Variants in ASB2 observed in about 807,000 individuals in gnomAD.
ASB2 encodes the protein ankyrin repeat and SOCS box protein 2.
Under a neutral mutation model 62.4 loss-of-function variants are expected in ASB2, and 58 were observed. That is an observed-to-expected ratio of 0.93 (90% CI 0.75 to 1.16). ASB2 has a LOEUF of 1.16. Ranked by LOEUF, ASB2 falls within the 50% of genes most tolerant of loss-of-function variation. ASB2 has a pLI of 0.00. For synonymous variants in ASB2, 386 were observed against 385.3 expected (o/e 1.00, Z -0.02); for missense variants, 928 against 887.9 (o/e 1.05, Z -0.57).
At chr14:93,938,278 T>C (rs1405210376) in intron 8 of ASB2, among the ~76,000 whole-genome samples, 1 of 135,620 alleles carries the variant, frequency 7.4e-6, no homozygotes, top group Non-Finnish European at 1.5e-5. Context: ...TCTCGCTCTG[T>C]GCCCAGGCTG....
chr14:93,954,678 T>G (rs889680370), intron 3 of ASB2, among the ~76,000 whole-genome samples, 195 bp from the exon 4 acceptor site: 1 of 152,354 alleles, frequency 6.6e-6, no homozygotes, highest in East Asian at 1.9e-4. Context: ...TTTCCATGGC[T>G]GCCGGGAATG....
In ASB2 at chr14:93,935,948, AG is replaced by A. The variant is rs1888258669; in HGVS notation, c.1772-1157del. Among the ~76,000 whole-genome samples the A allele has an allele frequency of 3.9e-5, 6 of 152,392 alleles. No individual in the cohort carries two copies. In the South Asian group the frequency reaches 1.2e-3, roughly 32 times the overall value. On this transcript the variant is annotated intron_variant, in intron 9 of 9. Transcript: ENST00000555019. ...AAAATAATGTGGTTACCTTGTACAC[AG>A]AAGGTCTTGAATATATATTCATTTA... is the stretch of plus-strand genomic sequence containing the variant.
At position 93,947,513 on chromosome 14, in the gene ASB2, G is replaced by A. The variant is rs1366933382; in HGVS notation, c.888C>T (p.Asp296=). The A allele has an allele frequency of 6.2e-7, 1 of 1,613,832 alleles. No homozygotes were observed. ...CGTTGTCGCTGGCCTGCGTGTTGAT[G>A]TCAGCACCTGGGGAAGGAGAAGAGA... The part of the protein sequence containing the change: ...ALRFLAKYGA[D]INTQASDNAS... Residue 296 remains aspartate (D), a synonymous_variant, in exon 7 of 10, where the codon GAC becomes GAT. Coordinates refer to ENST00000555019, the MANE Select transcript of ASB2 (RefSeq NM_001202429.2).
chr14:93,954,368 G>A lies in ASB2; in HGVS notation c.427C>T (p.His143Tyr). 6.2e-7 allele frequency: 1 copy of A among 1,613,924 alleles called. No individual in the cohort carries two copies. Among genetic ancestry groups the A allele is most frequent in the Non-Finnish European group, 8.5e-7 (1 of 1,179,878 alleles). The change falls in exon 4 of 10, where the codon CAC (histidine) becomes TAC (tyrosine). Residue 143 changes from histidine (H) to tyrosine (Y), a missense_variant. Coordinates refer to ENST00000555019, the MANE Select transcript of ASB2 (RefSeq NM_001202429.2). Reference sequence around the variant, plus strand: ...ACCTGGCCATAGTATGCGGCCTCGTGCAGCGGCAGCCAGCCCTCCTTGTTG... The same window carrying A: ...ACCTGGCCATAGTATGCGGCCTCGTACAGCGGCAGCCAGCCCTCCTTGTTG... ...EPNKEGWLPLHEAAYYGQVGC... is the reference protein window; with the variant it reads ...EPNKEGWLPLYEAAYYGQVGC...
chr14:93,937,970 C>T, intron 8 of ASB2, 119 bp from the exon 9 acceptor site: 7 of 1,079,342 alleles, frequency 6.5e-6, no homozygotes, highest in Non-Finnish European at 9.1e-6. Flanking sequence ...GCTAGGATCC[C>T]CTGAACCATG....
intron 3 of ASB2, among the ~76,000 whole-genome samples, chr14:93,956,140 A>G (rs28413802): frequency 1.8e-3 from 280 of 152,280 alleles, no homozygotes; most frequent in African/African-American, 6.1e-3. Context: ...CGGGGTCACT[A>G]TTCCAGGGGT....
At chr14:93,972,721 G>C (rs954839848) in intron 1 of ASB2, among the ~76,000 whole-genome samples, 2 of 152,180 alleles carry the variant, frequency 1.3e-5, no homozygotes, top group Non-Finnish European at 2.9e-5. Context: ...TGGTAAGGAA[G>C]GGGGGATGGA....
At chr14:93,956,475 C>A (rs997972807) in intron 3 of ASB2, among the ~76,000 whole-genome samples, 2 of 152,162 alleles carry the variant, frequency 1.3e-5, no homozygotes, top group African/African-American at 2.4e-5. Flanking sequence ...AGTTTCAGAG[C>A]CCCATGGGGC....
chr14:93,946,030 A>C (rs1888709753), intron 7 of ASB2, among the ~76,000 whole-genome samples: 1 of 152,262 alleles, frequency 6.6e-6, no homozygotes, highest in African/African-American at 2.4e-5. Flanking sequence ...TCTTCAAAAT[A>C]AATTCATTGT....
intron 1 of ASB2, among the ~76,000 whole-genome samples, chr14:93,974,548 C>T (rs2141326704): frequency 6.6e-6 from 1 of 152,280 alleles, no homozygotes; most frequent in Middle Eastern, 3.4e-3. Flanking sequence ...CCTTATGATG[C>T]CTTGAGTGTG....
rs972426411 is a variant in ASB2 at position 93,965,480 on chromosome 14, A to G, written c.-73-868T>C. The stretch of plus-strand genomic sequence containing the variant: ...AAATCAGTCATTAAAATAACGTCCC[A>G]TGTTAATTCCAGTGACTCTTTTCTT... On this transcript the variant is annotated intron_variant, in intron 1 of 9. Transcript: ENST00000555019. Among the ~76,000 whole-genome samples, 19 of 152,244 alleles carry G rather than the reference A, an allele frequency of 1.2e-4. 1 individual carries two copies.
chr14:93,960,325 A>G (rs911850197), intron 2 of ASB2, among the ~76,000 whole-genome samples: 7 of 152,284 alleles, frequency 4.6e-5, no homozygotes, highest in Non-Finnish European at 8.8e-5. Flanking sequence ...CTTCACCCTC[A>G]TTAGACTGTG....
rs1475052897 is a variant in ASB2 at position 93,964,398 on chromosome 14, T to A, written c.142A>T (p.Thr48Ser). ...CATGCAGACGCGGTGGCCTCAGCAG[T>A]GGTTGGGCCCCTTGTCTTGTCCGCT... The part of the protein sequence containing the change: ...SLADKTRGPT[T>S]AEATASACTN... Residue 48 changes from threonine to serine, a missense_variant, in exon 2 of 10, where the codon ACT (threonine) becomes TCT (serine). Transcript: ENST00000555019. 22 of 1,536,132 alleles carry A rather than the reference T, an allele frequency of 1.4e-5. No homozygotes were observed. The highest frequency in any genetic ancestry group is 1.9e-5 in the Non-Finnish European group (22 of 1,146,888).
chr14:93,942,574 G>A (rs59236219), intron 7 of ASB2, among the ~76,000 whole-genome samples: 40,216 of 152,176 alleles, frequency 0.26, 5,970 homozygotes, highest in East Asian at 0.6. Context: ...AGTTTCCTCA[G>A]AGCAGCAGCC....
At chr14:93,959,987 C>T (rs890361676) in intron 2 of ASB2, among the ~76,000 whole-genome samples, 1 of 114,088 alleles carries the variant, frequency 8.8e-6, no homozygotes, top group Non-Finnish European at 1.8e-5. Flanking sequence ...GAGTCTACCC[C>T]ACGCCCACCC....
chr14:93,973,296 T>G (rs1244260403), intron 1 of ASB2, among the ~76,000 whole-genome samples: 1 of 152,184 alleles, frequency 6.6e-6, no homozygotes, highest in Non-Finnish European at 1.5e-5. Flanking sequence ...GATCCAAATC[T>G]TGGTGAATCT....
chr14:93,937,589 G>T, intron 9 of ASB2, 109 bp downstream of exon 9: 1 of 1,131,078 alleles, frequency 8.8e-7, no homozygotes, highest in South Asian at 1.7e-5. Context: ...ACAGAGCCTG[G>T]CAAGCAGCAG....
At position 93,964,437 on chromosome 14, in the gene ASB2, T is replaced by A; in HGVS notation, c.103A>T (p.Ile35Phe). ...LSEDELVQMA[I>F]EQSLADKTRG... ...GTCTTGTCCGCTAGGCTCTGCTCGA[T>A]GGCCATCTGCACCAGTTCATCCTCG... Residue 35 changes from isoleucine (I) to phenylalanine (F), a missense_variant, in exon 2 of 10, where the codon ATC becomes TTC. By Grantham distance (21) the Ile-to-Phe change is conservative. Coordinates refer to ENST00000555019, the MANE Select transcript of ASB2 (RefSeq NM_001202429.2). 1 of 1,536,140 alleles carries A rather than the reference T, an allele frequency of 6.5e-7. No homozygotes were observed. The highest frequency in any genetic ancestry group is 8.7e-7 in the Non-Finnish European group (1 of 1,146,912).
intron 9 of ASB2, among the ~76,000 whole-genome samples, chr14:93,935,807 C>T (rs201764764): frequency 1.3e-5 from 2 of 152,070 alleles, no homozygotes; most frequent in Admixed American, 1.3e-4. Context: ...GCCTTCTGAG[C>T]TCAGATTTTT....
Sources: allele counts gnomAD v4.1 joint callset (sites outside exome capture counted in the v4.1 genomes callset), GRCh38; gene constraint gnomAD v4.1.1; transcripts MANE v1.5; gene names NCBI Gene and HGNC (gene_info 2026-07-23, HGNC 2026-07-21).